The following SDK1 variants were observed in gnomAD, a reference collection of about 807,000 sequenced individuals.
The protein encoded by SDK1 is sidekick cell adhesion molecule 1.
Under a neutral mutation model 245.5 loss-of-function variants are expected in SDK1, and 157 were observed. The ratio of observed to expected loss-of-function variants is 0.64; its 90% confidence interval spans 0.56 to 0.73. SDK1 has a LOEUF of 0.73. Among genes scored for constraint, SDK1 ranks in the 30% least tolerant of loss-of-function variants. The pLI, the probability that SDK1 is intolerant of heterozygous loss-of-function variation, is 0.00. For synonymous variants in SDK1, 1,647 were observed against 1,278.5 expected (o/e 1.29, Z -6.15); for missense variants, 3,583 against 3,002.3 (o/e 1.19, Z -4.52).
Position 3,301,904 on chromosome 7 carries a change from C to A in SDK1, c.298+20C>A. 8.8e-7 allele frequency: 1 copy of A among 1,133,750 alleles called. No individual in the cohort carries two copies. The highest frequency in any genetic ancestry group is 1.1e-6 in the Non-Finnish European group (1 of 924,880). The allele number at this position is 1,133,750 out of a possible 1,614,324, so 70.2% of individuals were successfully genotyped here. A position where few individuals can be genotyped will look rare whatever the true frequency, so the allele number is the denominator to read the frequency against. On this transcript the variant is annotated intron_variant, in intron 1 of 44. Transcript: ENST00000404826. ...CGCAAGGTAGGTGCGCGCGGGGTCGCGGGCCGGGGGCGTCGCCTCGGGGCG... is the reference window on the plus strand; with the variant it reads ...CGCAAGGTAGGTGCGCGCGGGGTCGAGGGCCGGGGGCGTCGCCTCGGGGCG...
chr7:3,705,270 G>A (rs1049697723), intron 4 of SDK1, among the ~76,000 whole-genome samples: 4 of 151,840 alleles, frequency 2.6e-5, no homozygotes, highest in African/African-American at 9.6e-5. Flanking sequence ...TCTGTAGATT[G>A]TTTTGGATAG....
chr7:3,866,641 C>T (rs964555691), intron 5 of SDK1, among the ~76,000 whole-genome samples: 5 of 152,136 alleles, frequency 3.3e-5, no homozygotes, highest in African/African-American at 4.8e-5. Context: ...GACTCCCCTG[C>T]CCCTGCCCAT....
chr7:3,316,261 A>T (rs1779660258), intron 1 of SDK1, among the ~76,000 whole-genome samples: 1 of 152,170 alleles, frequency 6.6e-6, no homozygotes, highest in Non-Finnish European at 1.5e-5. Context: ...AAAGATTATA[A>T]TTCTGTATGT....
chr7:3,512,722 A>G (rs1440698285), intron 1 of SDK1, among the ~76,000 whole-genome samples: 2 of 152,236 alleles, frequency 1.3e-5, no homozygotes, highest in African/African-American at 4.8e-5. Flanking sequence ...TGAAGCAACT[A>G]CTTTTAAAGG....
intron 1 of SDK1, among the ~76,000 whole-genome samples, chr7:3,450,275 T>A (rs1780472380): frequency 2.6e-5 from 4 of 152,222 alleles, no homozygotes; most frequent in Non-Finnish European, 5.9e-5. Flanking sequence ...ACTGGTTTTG[T>A]CTTGAAAGTG....
chr7:4,001,665 C>T (rs1425196523), intron 14 of SDK1, among the ~76,000 whole-genome samples: 1 of 152,220 alleles, frequency 6.6e-6, no homozygotes, highest in Non-Finnish European at 1.5e-5. Flanking sequence ...TCTCTAAAGA[C>T]ATATACAACA....
intron 28 of SDK1, among the ~76,000 whole-genome samples, chr7:4,144,154 C>A (rs56366504): frequency 0.043 from 6,488 of 151,274 alleles, 165 homozygotes; most frequent in African/African-American, 0.061. Flanking sequence ...GAAGGGGAGG[C>A]CGGGGGAAAG....
intron 4 of SDK1, 103 bp from the exon 5 acceptor site, chr7:3,821,347 T>G: frequency 1.5e-6 from 2 of 1,335,088 alleles, no homozygotes; most frequent in Non-Finnish European, 2.0e-6. Flanking sequence ...GCTCTTCTTT[T>G]AAACTCTAGG....
chr7:3,934,957 G>A (rs1780104249), intron 5 of SDK1, among the ~76,000 whole-genome samples: 1 of 152,204 alleles, frequency 6.6e-6, no homozygotes, highest in Non-Finnish European at 1.5e-5. Context: ...CCCCTTCGGT[G>A]TTGCTTACCC....
Position 3,594,545 on chromosome 7 carries a change from C to T in SDK1, c.299-24535C>T, listed in dbSNP as rs73296301. Among the ~76,000 whole-genome samples, 1,275 of 152,298 alleles carry T rather than the reference C, an allele frequency of 8.4e-3. 23 individuals carry two copies. The highest frequency in any genetic ancestry group is 0.029 in the African/African-American group (1,198 of 41,556). ...AGACCGCCAAACCATTTCCATTTTACATTGCCGCCGGTCATGTATGAGGGT... is the reference window on the plus strand; with the variant it reads ...AGACCGCCAAACCATTTCCATTTTATATTGCCGCCGGTCATGTATGAGGGT... On this transcript the variant is annotated intron_variant, in intron 1 of 44. Coordinates refer to ENST00000404826, the MANE Select transcript of SDK1 (RefSeq NM_152744.4).
intron 20 of SDK1, among the ~76,000 whole-genome samples, chr7:4,073,699 A>T (rs912354495): frequency 6.6e-6 from 1 of 152,220 alleles, no homozygotes; most frequent in African/African-American, 2.4e-5. Context: ...GGGATGTCTC[A>T]GTTCCCTTGC....
intron 43 of SDK1, among the ~76,000 whole-genome samples, chr7:4,244,116 G>A (rs1042843379): frequency 7.2e-5 from 11 of 152,110 alleles, no homozygotes; most frequent in African/African-American, 2.4e-4. Flanking sequence ...CAACACCCAC[G>A]ACACAAAACC....
chr7:4,055,494 G>C (rs913504822), intron 19 of SDK1, among the ~76,000 whole-genome samples: 2 of 151,900 alleles, frequency 1.3e-5, no homozygotes, highest in African/African-American at 4.8e-5. Flanking sequence ...TCTTCCTGGA[G>C]GTTCTTCAAT....
intron 5 of SDK1, among the ~76,000 whole-genome samples, chr7:3,862,012 G>A (rs535462519): frequency 3.9e-5 from 6 of 152,330 alleles, no homozygotes; most frequent in Admixed American, 2.0e-4. Context: ...AAAGGCTGCC[G>A]AGTATTATTG....
At chr7:3,377,766 T>A (rs1456689379) in intron 1 of SDK1, among the ~76,000 whole-genome samples, 1 of 152,032 alleles carries the variant, frequency 6.6e-6, no homozygotes, top group Non-Finnish European at 1.5e-5. Context: ...TATTTTTATT[T>A]TATCATTTAT....
chr7:3,973,184 C>G (rs1264872774), intron 12 of SDK1, among the ~76,000 whole-genome samples: 1 of 152,154 alleles, frequency 6.6e-6, no homozygotes, highest in Admixed American at 6.5e-5. Context: ...CTGTAAGTGA[C>G]CAGCCAGCCA....
intron 1 of SDK1, among the ~76,000 whole-genome samples, chr7:3,538,579 C>T (rs1481352347): frequency 6.6e-6 from 1 of 152,196 alleles, no homozygotes; most frequent in Non-Finnish European, 1.5e-5. Flanking sequence ...CCTAGGCAGG[C>T]CAATGCTGTC....
chr7:3,951,690 G>T, intron 6 of SDK1, 40 bp from the exon 7 acceptor site: 1 of 1,586,112 alleles, frequency 6.3e-7, no homozygotes, highest in South Asian at 1.1e-5. Context: ...CCACCTCCCT[G>T]AGTCACAATC....
chr7:3,723,879 C>CATATATATATACACGTATATAT, intron 4 of SDK1, among the ~76,000 whole-genome samples: 1 of 119,508 alleles, frequency 8.4e-6, no homozygotes, highest in African/African-American at 3.8e-5. Flanking sequence ...TATACACGTA[C>CATATATATATACACGTATATAT]ATATATATAT....
Sources: gnomAD v4.1 joint callset for allele counts (sites outside exome capture counted in the v4.1 genomes callset) on GRCh38, gnomAD v4.1.1 for gene constraint, MANE v1.5 for transcripts, NCBI Gene and HGNC (gene_info 2026-07-23, HGNC 2026-07-21) for gene names.